The following AP3B1 variants were observed in gnomAD, a reference collection of about 807,000 sequenced individuals.
AP3B1 encodes the protein AP-3 complex subunit beta-1.
A neutral mutation model predicts 132.5 loss-of-function variants in AP3B1; 61 were observed. That is an observed-to-expected ratio of 0.46 (90% CI 0.37 to 0.57). AP3B1 has a LOEUF of 0.57. AP3B1 is among the 20% of genes least tolerant of loss of function. AP3B1 has a pLI of 0.00. For synonymous variants in AP3B1, 388 were observed against 438.3 expected (o/e 0.89, Z 1.43); for missense variants, 1,120 against 1,289.4 (o/e 0.87, Z 2.01).
At chr5:78,136,131 G>C (rs949985467) in intron 15 of AP3B1, among the ~76,000 whole-genome samples, 1 of 151,910 alleles carries the variant, frequency 6.6e-6, no homozygotes, top group Non-Finnish European at 1.5e-5. Context: ...TCAGTAACTA[G>C]ACTAGTTTCT....
chr5:78,046,688 T>C (rs762592293), intron 22 of AP3B1, among the ~76,000 whole-genome samples: 14 of 150,010 alleles, frequency 9.3e-5, no homozygotes, highest in South Asian at 2.1e-4. Flanking sequence ...ACAGTCCCCT[T>C]ATAAAAGCCT....
chr5:78,021,514 T>G (rs562018959), intron 24 of AP3B1, among the ~76,000 whole-genome samples: 22 of 152,266 alleles, frequency 1.4e-4, no homozygotes, highest in Admixed American at 3.3e-4. Flanking sequence ...GTCTAAAAAA[T>G]TTTTTAAAGT....
At chr5:78,231,159 A>C (rs148126058) in intron 3 of AP3B1, among the ~76,000 whole-genome samples, 1 of 152,148 alleles carries the variant, frequency 6.6e-6, no homozygotes, top group African/African-American at 2.4e-5. Flanking sequence ...GTCCTTGAAA[A>C]AGGTTTTTTG....
chr5:78,188,031 T>C (rs1744673196), intron 7 of AP3B1, among the ~76,000 whole-genome samples: 1 of 152,202 alleles, frequency 6.6e-6, no homozygotes, highest in South Asian at 2.1e-4. Context: ...GCTAGCCATA[T>C]GTGAAAAACT....
At chr5:78,072,089 A>C (rs1749566552) in intron 22 of AP3B1, among the ~76,000 whole-genome samples, 1 of 152,176 alleles carries the variant, frequency 6.6e-6, no homozygotes, top group East Asian at 1.9e-4. Context: ...ATTATGAAAA[A>C]TTTTCAAATG....
intron 8 of AP3B1, among the ~76,000 whole-genome samples, chr5:78,178,851 C>T (rs1318441167): frequency 1.3e-5 from 2 of 151,772 alleles, no homozygotes; most frequent in Non-Finnish European, 2.9e-5. Flanking sequence ...AATATATATG[C>T]CTAAATAGTA....
At chr5:78,274,922 T>TAA (rs111312994) in intron 1 of AP3B1, among the ~76,000 whole-genome samples, 35 of 135,198 alleles carry the variant, frequency 2.6e-4, no homozygotes, top group African/African-American at 7.9e-4. Context: ...ATCTTTTTTT[T>TAA]AAAAAAAAAG....
chr5:78,261,803 G>C (rs1391845668), intron 2 of AP3B1, among the ~76,000 whole-genome samples: 2 of 150,750 alleles, frequency 1.3e-5, no homozygotes, highest in East Asian at 4.0e-4. Flanking sequence ...CCAAGCTGGA[G>C]TGCAGTGGCA....
At chr5:78,261,969 G>A (rs766321579) in intron 2 of AP3B1, among the ~76,000 whole-genome samples, 7 of 151,300 alleles carry the variant, frequency 4.6e-5, no homozygotes, top group Non-Finnish European at 7.4e-5. Flanking sequence ...AGAGACCACC[G>A]TGTTGGCCAG....
At chr5:78,209,613 T>C (rs1014145405) in intron 7 of AP3B1, among the ~76,000 whole-genome samples, 4 of 152,112 alleles carry the variant, frequency 2.6e-5, no homozygotes, top group Non-Finnish European at 4.4e-5. Context: ...ATAGCAACCA[T>C]GGGCACATGT....
intron 14 of AP3B1, among the ~76,000 whole-genome samples, chr5:78,142,142 A>G (rs1753174140): frequency 6.6e-6 from 1 of 152,224 alleles, no homozygotes; most frequent in Admixed American, 6.5e-5. Flanking sequence ...TTTGTCCAAT[A>G]TTGCATTTTG....
At chr5:78,028,012 G>A (rs1296736438) in intron 24 of AP3B1, among the ~76,000 whole-genome samples, 1 of 152,046 alleles carries the variant, frequency 6.6e-6, no homozygotes, top group Admixed American at 6.6e-5. Context: ...TGTAATCCAA[G>A]CTACTTGGGA....
At position 78,240,882 on chromosome 5, in the gene AP3B1, C is replaced by T; in HGVS notation, c.259G>A (p.Val87Met). 3 of 1,612,904 alleles carry T rather than the reference C, an allele frequency of 1.9e-6. No homozygotes were observed. The highest frequency in any genetic ancestry group is 2.5e-6 in the Non-Finnish European group (3 of 1,179,092). Residue 87 changes from valine to methionine, a missense_variant, in exon 3 of 27, where the codon GTG becomes ATG. Coordinates refer to ENST00000255194, the MANE Select transcript of AP3B1 (RefSeq NM_003664.5). The part of the protein sequence containing the change: ...SELFPAVVKN[V>M]ASKNIEIKKL... Reference sequence around the variant, plus strand: ...AGTACCTCAATATTTTTACTGGCCACATTCTTCACAACAGCAGGAAACAGT... The same window carrying T: ...AGTACCTCAATATTTTTACTGGCCATATTCTTCACAACAGCAGGAAACAGT...
chr5:78,014,808 A>T (rs1332405841), intron 26 of AP3B1, among the ~76,000 whole-genome samples: 2 of 152,204 alleles, frequency 1.3e-5, no homozygotes, highest in African/African-American at 2.4e-5. Context: ...AATTCATAAA[A>T]ATACAAGAGG....
In AP3B1 at chr5:78,153,678, T is replaced by C. The variant is rs527993879; in HGVS notation, c.1473+2580A>G. 2.6e-5 allele frequency among the ~76,000 whole-genome samples: 4 copies of C among 152,276 alleles called. No homozygotes were observed. In the South Asian group the frequency reaches 8.3e-4, roughly 32 times the overall value. On this transcript the variant is annotated intron_variant, in intron 14 of 26. Transcript: ENST00000255194. ...TTTTAATGCAGGTGGTTTTCTCTAG[T>C]GGTAGGATTTAATTTCTTGTTTTTT...
At chr5:78,209,231 T>C (rs1745635114) in intron 7 of AP3B1, among the ~76,000 whole-genome samples, 1 of 152,084 alleles carries the variant, frequency 6.6e-6, no homozygotes, top group Non-Finnish European at 1.5e-5. Flanking sequence ...GGGTCAGACA[T>C]GCCTCATTAC....
intron 14 of AP3B1, among the ~76,000 whole-genome samples, chr5:78,148,529 C>A (rs1046050785): frequency 3.9e-5 from 6 of 152,164 alleles, no homozygotes; most frequent in African/African-American, 1.2e-4. Flanking sequence ...CTTTAACATT[C>A]TTTTATTCTG....
rs543372925 is a variant in AP3B1 at position 78,089,793 on chromosome 5, T to A, written c.2471-294A>T. On this transcript the variant is annotated intron_variant, in intron 21 of 26. Transcript: ENST00000255194. ...ATTATCACTAACATTTATCACCCAG[T>A]AATCTCCCTAAAAAAGTAAAGAAAC... 8.5e-5 allele frequency among the ~76,000 whole-genome samples: 13 copies of A among 152,284 alleles called. No homozygotes were observed. The South Asian group carries it at 2.7e-3, about 32-fold the overall frequency.
At chr5:78,068,128 C>T (rs189738448) in intron 22 of AP3B1, among the ~76,000 whole-genome samples, 3 of 152,192 alleles carry the variant, frequency 2.0e-5, no homozygotes, top group African/African-American at 7.2e-5. Flanking sequence ...AGTTGGAGAC[C>T]AGCCTGACCA....
Sources: gnomAD v4.1 joint callset for allele counts (sites outside exome capture counted in the v4.1 genomes callset) on GRCh38, gnomAD v4.1.1 for gene constraint, MANE v1.5 for transcripts, NCBI Gene and HGNC (gene_info 2026-07-23, HGNC 2026-07-21) for gene names.